The following VLDLR variants were observed in gnomAD, a reference collection of about 807,000 sequenced individuals.
VLDLR encodes the protein very low density lipoprotein receptor.
VLDLR carries 81 observed loss-of-function variants against 112.7 expected under a neutral mutation model. The ratio of observed to expected loss-of-function variants is 0.72; its 90% CI spans 0.60 to 0.86. The LOEUF (loss-of-function observed/expected upper bound fraction) is 0.86, where lower values mean the gene tolerates loss of function less well. Among genes scored for constraint, VLDLR ranks in the 40% least tolerant of loss-of-function variants. VLDLR has a pLI of 0.00. For missense variants in VLDLR, 1,237 were observed against 1,099.4 expected, an observed-to-expected ratio of 1.13 and a Z score of -1.77; for synonymous variants, 436 against 384.8, an observed-to-expected ratio of 1.13 and a Z score of -1.56.
At position 2,646,412 on chromosome 9, in the gene VLDLR, T is replaced by C. The variant is rs1427643913; in HGVS notation, c.1563T>C (p.Asp521=). The C allele has an allele frequency of 1.9e-6, 3 of 1,614,054 alleles. No individual in the cohort carries two copies. Among genetic ancestry groups the C allele is most frequent in the Non-Finnish European group, 2.5e-6 (3 of 1,180,032 alleles). ...ATAATCCTGCAGCCATTGCTGTTGA[T>C]TGGGTGTACAAGACCATCTACTGGA... The part of the protein sequence containing the change: ...NVYNPAAIAV[D]WVYKTIYWTD... Residue 521 remains aspartate, a synonymous_variant, in exon 11 of 19, where the codon GAT becomes GAC. Coordinates refer to ENST00000382100, the MANE Select transcript of VLDLR (RefSeq NM_003383.5).
In VLDLR at chr9:2,622,215, T is replaced by C; in HGVS notation, c.26T>C (p.Leu9Pro). The C allele has an allele frequency of 6.6e-7, 1 of 1,504,820 alleles. No homozygotes were observed. Among genetic ancestry groups the C allele is most frequent in the Admixed American group, 2.1e-5 (1 of 47,984 alleles). The allele number at this position is 1,504,820 out of a possible 1,614,324, so 93.2% of individuals were successfully genotyped here. The change falls in exon 1 of 19, where the codon CTC becomes CCC. Residue 9 changes from leucine (L) to proline (P), a missense_variant. Leu to Pro is a moderately conservative substitution (Grantham distance 98, BLOSUM62 -3). Coordinates refer to ENST00000382100, the MANE Select transcript of VLDLR (RefSeq NM_003383.5). MGTSALWA[L>P]WLLLALCWAP... ...ATGGGCACGTCCGCGCTCTGGGCGC[T>C]CTGGCTGCTGCTCGCGCTGTGCTGG...
chr9:2,622,547 C>T lies in VLDLR; in HGVS notation c.82+276C>T, dbSNP rs7856686. 0.92 allele frequency among the ~76,000 whole-genome samples: 140,594 copies of T among 152,222 alleles called. 65,007 individuals carry two copies. The highest frequency in any genetic ancestry group is 0.95 in the Non-Finnish European group (64,487 of 67,980). ...TCCGCCTCCCCCAGAGCCGCTGCTT[C>T]GCCTCGTTTCTCGCCCTCTTGACGG... On this transcript the variant is annotated intron_variant, in intron 1 of 18. Coordinates refer to ENST00000382100, the MANE Select transcript of VLDLR (RefSeq NM_003383.5).
chr9:2,636,771 G>C (rs1425701869), intron 2 of VLDLR, among the ~76,000 whole-genome samples: 1 of 152,172 alleles, frequency 6.6e-6, no homozygotes. Context: ...AGGTAATTTA[G>C]TTCTCTTACT....
intron 1 of VLDLR, among the ~76,000 whole-genome samples, chr9:2,625,733 A>G (rs1817060861): frequency 6.6e-6 from 1 of 152,192 alleles, no homozygotes; most frequent in Non-Finnish European, 1.5e-5. Context: ...TGGACAACAG[A>G]GTGATAGACT....
chr9:2,628,956 C>G (rs546385138), intron 1 of VLDLR, among the ~76,000 whole-genome samples: 1 of 152,144 alleles, frequency 6.6e-6, no homozygotes, highest in Non-Finnish European at 1.5e-5. Flanking sequence ...TATGCTACAA[C>G]CCTGAAAATG....
At chr9:2,636,492 A>G (rs10812382) in intron 2 of VLDLR, among the ~76,000 whole-genome samples, 88,507 of 152,090 alleles carry the variant, frequency 0.58, 26,213 homozygotes, top group East Asian at 0.69. Flanking sequence ...TTAAAATGCT[A>G]TAAAGTATGC....
chr9:2,650,039 T>C (rs1183695786), intron 14 of VLDLR, among the ~76,000 whole-genome samples: 1 of 152,200 alleles, frequency 6.6e-6, no homozygotes, highest in Non-Finnish European at 1.5e-5. Context: ...GTCTCCTTTC[T>C]CTGAGCCTTC....
chr9:2,643,306 C>T lies in VLDLR; in HGVS notation c.595C>T (p.Gln199Ter), dbSNP rs1306734858. The T allele has an allele frequency of 6.2e-7, 1 of 1,613,876 alleles. No individual in the cohort carries two copies. The highest frequency in any genetic ancestry group is 2.2e-5 in the East Asian group (1 of 44,856). The change falls in exon 5 of 19, where the codon CAG becomes TAG. Residue 199 changes from glutamine to a stop codon, truncating the protein, a stop_gained. Coordinates refer to ENST00000382100, the MANE Select transcript of VLDLR (RefSeq NM_003383.5). LOFTEE classifies it high-confidence loss of function. The stretch of plus-strand genomic sequence containing the variant: ...GCCAACCTGTGGCGCCCATGAGTTC[C>T]AGTGCAGCACCTCCTCCTGCATCCC... Reference protein sequence around the residue: ...APPTCGAHEFQCSTSSCIPIS... With the variant: ...APPTCGAHEF
chr9:2,631,226 CTAA>C (rs1817336223), intron 1 of VLDLR, among the ~76,000 whole-genome samples: 1 of 152,128 alleles, frequency 6.6e-6, no homozygotes, highest in Non-Finnish European at 1.5e-5. Context: ...AGAATGTAAA[CTAA>C]TACAGCCACC....
rs1375872187 is a variant in VLDLR at position 2,658,844 on chromosome 9, G to C, written c.*4976G>C. The stretch of plus-strand genomic sequence containing the variant: ...TACCTTTATCTATGATGAATGTAAT[G>C]TGTTAGATGGTGACCGAAGTGTTCT... On this transcript the variant is annotated 3_prime_UTR_variant, in exon 19 of 19. Coordinates refer to ENST00000382100, the MANE Select transcript of VLDLR (RefSeq NM_003383.5). 7 of 152,174 alleles carry C rather than the reference G, an allele frequency of 4.6e-5. No individual in the cohort carries two copies. Among genetic ancestry groups the C allele is most frequent in the Non-Finnish European group, 8.8e-5 (6 of 68,038 alleles). The allele number at this position is 152,174 out of a possible 1,614,324, so 9.4% of individuals were successfully genotyped here.
chr9:2,657,965 G>A lies in VLDLR; in HGVS notation c.*4097G>A, dbSNP rs754718186. On this transcript the variant is annotated 3_prime_UTR_variant, in exon 19 of 19. Transcript: ENST00000382100. ...TACATCCATGCTTCAGCCATATCATGGGCCTAAACTATGAGAGTTCAGAAA... is the reference window on the plus strand; with the variant it reads ...TACATCCATGCTTCAGCCATATCATAGGCCTAAACTATGAGAGTTCAGAAA... 5 of 152,114 alleles carry A rather than the reference G, an allele frequency of 3.3e-5. No individual in the cohort carries two copies. The highest frequency in any genetic ancestry group is 7.4e-5 in the Non-Finnish European group (5 of 68,016). The allele number at this position is 152,114 out of a possible 1,614,324, so 9.4% of individuals were successfully genotyped here. A position where few individuals can be genotyped will look rare whatever the true frequency, so the allele number is the denominator to read the frequency against.
chr9:2,622,484 C>A (rs1176898785), intron 1 of VLDLR: 2 of 456,444 alleles, frequency 4.4e-6, no homozygotes, highest in Non-Finnish European at 7.5e-6. Flanking sequence ...GTTCGGGGTG[C>A]CCCGACGCCT....
chr9:2,624,856 T>G (rs1229442438), intron 1 of VLDLR, among the ~76,000 whole-genome samples: 1 of 152,240 alleles, frequency 6.6e-6, no homozygotes, highest in African/African-American at 2.4e-5. Flanking sequence ...TCCTTGGCAG[T>G]AACAGCTTCA....
In VLDLR at chr9:2,622,099, C is replaced by A; in HGVS notation, c.-91C>A. 7.6e-7 allele frequency: 1 copy of A among 1,311,686 alleles called. No homozygotes were observed. The highest frequency in any genetic ancestry group is 1.5e-5 in the African/African-American group (1 of 65,510). The allele number at this position is 1,311,686 out of a possible 1,614,324, so 81.3% of individuals were successfully genotyped here. On this transcript the variant is annotated 5_prime_UTR_variant, in exon 1 of 19. Coordinates refer to ENST00000382100, the MANE Select transcript of VLDLR (RefSeq NM_003383.5). ...TCCCCCTTTCCCCTCCCCGCCCCCACCTTCTTCCTCCTTTCGGAAGGACTG... is the reference window on the plus strand; with the variant it reads ...TCCCCCTTTCCCCTCCCCGCCCCCAACTTCTTCCTCCTTTCGGAAGGACTG...
chr9:2,645,440 A>G (rs2130796170), intron 9 of VLDLR, 134 bp from the exon 10 acceptor site: 1 of 1,129,326 alleles, frequency 8.9e-7, no homozygotes, highest in Non-Finnish European at 1.3e-6. Flanking sequence ...AGGGGCAGGA[A>G]CTCCAGAACA....
chr9:2,645,387 C>T (rs1007149464), intron 9 of VLDLR, among the ~76,000 whole-genome samples, 187 bp from the exon 10 acceptor site: 1 of 152,162 alleles, frequency 6.6e-6, no homozygotes, highest in South Asian at 2.1e-4. Flanking sequence ...GGCTGTAACC[C>T]CACGACTGCC....
At chr9:2,637,539 A>G (rs1306175054) in intron 2 of VLDLR, among the ~76,000 whole-genome samples, 2 of 152,176 alleles carry the variant, frequency 1.3e-5, no homozygotes, top group Non-Finnish European at 2.9e-5. Flanking sequence ...CTATGCTCCA[A>G]ATGAAGAGAG....
At chr9:2,623,307 C>T (rs1816924284) in intron 1 of VLDLR, among the ~76,000 whole-genome samples, 1 of 152,234 alleles carries the variant, frequency 6.6e-6, no homozygotes, top group African/African-American at 2.4e-5. Context: ...GGAAGCCTTT[C>T]TGAGAGGACT....
rs1395970304 is a variant in VLDLR, at chr9:2,659,150, TCA to T, written c.*5285_*5286del. 1 of 152,222 alleles carries T rather than the reference TCA, an allele frequency of 6.6e-6. No individual in the cohort carries two copies. Among genetic ancestry groups the T allele is most frequent in the Non-Finnish European group, 1.5e-5 (1 of 68,048 alleles). The allele number at this position is 152,222 out of a possible 1,614,324, so 9.4% of individuals were successfully genotyped here. On this transcript the variant is annotated 3_prime_UTR_variant, in exon 19 of 19. Transcript: ENST00000382100. ...TGCTCCCAAGTCTTTTACTTGCTCTTCACAGCAACCCTAATAGGTATCTCCAT... is the reference window on the plus strand; with the variant it reads ...TGCTCCCAAGTCTTTTACTTGCTCTTCAGCAACCCTAATAGGTATCTCCAT...
Sources: allele counts gnomAD v4.1 joint callset (sites outside exome capture counted in the v4.1 genomes callset), GRCh38; gene constraint gnomAD v4.1.1; transcripts MANE v1.5; gene names NCBI Gene and HGNC (gene_info 2026-07-23, HGNC 2026-07-21).